GFM2: variants seen among roughly 807,000 people sequenced by gnomAD.
GFM2 encodes ribosome-releasing factor 2, mitochondrial.
In GFM2, 72 loss-of-function variants were observed where a neutral mutation model predicts 95.4. That is an observed-to-expected ratio of 0.76 (90% confidence interval 0.62 to 0.92). GFM2 has a LOEUF of 0.92. Ranked by LOEUF, GFM2 falls within the 40% of genes least tolerant of loss-of-function variation. The probability of loss-of-function intolerance (pLI) is 0.00; values close to 1 mark genes in which losing one functional copy is unlikely to be tolerated. For missense variants in GFM2, 825 were observed against 924.1 expected (o/e 0.89, Z 1.39); for synonymous variants, 276 against 317.5 (o/e 0.87, Z 1.39).
Position 74,750,991 on chromosome 5 carries a change from G to A in GFM2, c.431-324C>T, listed in dbSNP as rs567526476. On this transcript the variant is annotated intron_variant, in intron 6 of 20. Coordinates refer to ENST00000296805, the MANE Select transcript of GFM2 (RefSeq NM_032380.5). ...TGCTACAATATGAGAAAATTTGAGG[G>A]CTTTATGCTAATGAGATAAGCCAAT... is the stretch of plus-strand genomic sequence containing the variant. 4.6e-5 allele frequency among the ~76,000 whole-genome samples: 7 copies of A among 152,162 alleles called. No homozygotes were observed. In the South Asian group the frequency reaches 1.5e-3, roughly 32 times the overall value.
intron 8 of GFM2, among the ~76,000 whole-genome samples, chr5:74,746,974 G>C (rs1304567506): frequency 6.6e-6 from 1 of 152,190 alleles, no homozygotes; most frequent in Non-Finnish European, 1.5e-5. Context: ...TTTTAGGGGA[G>C]GTATAGTTTA....
chr5:74,755,521 A>T (rs778876563), intron 5 of GFM2, among the ~76,000 whole-genome samples: 2 of 152,332 alleles, frequency 1.3e-5, no homozygotes, highest in East Asian at 3.9e-4. Context: ...AAATAAGCTC[A>T]ATTAGAAACA....
chr5:74,721,848 A>ATTATC (rs1489912314), intron 20 of GFM2, 65 bp from the exon 21 acceptor site: 15 of 1,480,506 alleles, frequency 1.0e-5, no homozygotes, highest in Non-Finnish European at 1.3e-5. Context: ...CTTCCTGCTG[A>ATTATC]TTATCTTTTG....
At chr5:74,738,198 T>G (rs1044234160) in intron 14 of GFM2, 120 bp downstream of exon 14, 2 of 721,864 alleles carry the variant, frequency 2.8e-6, no homozygotes, top group African/African-American at 3.6e-5. Context: ...TGCCATAATA[T>G]TCTTTATTCT....
chr5:74,754,235 C>T (rs758725510), intron 5 of GFM2, among the ~76,000 whole-genome samples: 2 of 151,320 alleles, frequency 1.3e-5, no homozygotes, highest in Admixed American at 6.6e-5. Context: ...GAAACAAATC[C>T]TCAAAATACA....
At chr5:74,751,229 G>C (rs1183918286) in intron 6 of GFM2, 139 bp downstream of exon 6, 5 of 755,038 alleles carry the variant, frequency 6.6e-6, no homozygotes, top group African/African-American at 1.8e-5. Context: ...CTACTAAACT[G>C]TACACTTAAA....
intron 16 of GFM2, among the ~76,000 whole-genome samples, chr5:74,732,263 T>A (rs1050582989): frequency 1.3e-5 from 2 of 151,818 alleles, no homozygotes; most frequent in African/African-American, 2.4e-5. Flanking sequence ...ATAGGTTTTT[T>A]AAAATAAAAC....
At chr5:74,737,102 A>G (rs1368296468) in intron 14 of GFM2, 117 bp from the exon 15 acceptor site, 3 of 889,366 alleles carry the variant, frequency 3.4e-6, no homozygotes, top group Non-Finnish European at 5.1e-6. Context: ...TCAGAACTTA[A>G]AAGAGAAATA....
chr5:74,741,805 A>T (rs1743121451), intron 10 of GFM2, 196 bp from the exon 11 acceptor site: 1 of 420,862 alleles, frequency 2.4e-6, no homozygotes, highest in East Asian at 3.9e-5. Flanking sequence ...AAAACTAAAG[A>T]TACTATTAGG....
At chr5:74,745,078 C>G (rs531077158) in intron 10 of GFM2, among the ~76,000 whole-genome samples, 2 of 152,208 alleles carry the variant, frequency 1.3e-5, no homozygotes, top group African/African-American at 4.8e-5. Flanking sequence ...GTGGCTCACG[C>G]TGGTAATCCT....
At chr5:74,748,943 T>G in intron 7 of GFM2, among the ~76,000 whole-genome samples, 1 of 134,766 alleles carries the variant, frequency 7.4e-6, no homozygotes, top group South Asian at 2.2e-4. Flanking sequence ...AAATAAAAAA[T>G]AAAATAAAAT....
Position 74,721,602 on chromosome 5 carries a change from C to CTGAAAATGAAGT in GFM2, c.*41_*52dup. On this transcript the variant is annotated 3_prime_UTR_variant, in exon 21 of 21. Transcript: ENST00000296805. Reference sequence around the variant, plus strand: ...AATAAAGCAATAAAAATTGTTCTTACTGAAAATGAAGTAGCTAGGTGCTCC... The same window carrying CTGAAAATGAAGT: ...AATAAAGCAATAAAAATTGTTCTTACTGAAAATGAAGTTGAAAATGAAGTAGCTAGGTGCTCC... 6.4e-7 allele frequency: 1 copy of CTGAAAATGAAGT among 1,572,290 alleles called. No individual in the cohort carries two copies. The highest frequency in any genetic ancestry group is 1.2e-5 in the South Asian group (1 of 86,400).
rs1561232019 is a variant in GFM2 at position 74,722,580 on chromosome 5, G to A, written c.2029-19C>T. 1 of 1,583,808 alleles carries A rather than the reference G, an allele frequency of 6.3e-7. No individual in the cohort carries two copies. Among genetic ancestry groups the A allele is most frequent in the Admixed American group, 1.9e-5 (1 of 53,498 alleles). On this transcript the variant is annotated intron_variant, in intron 19 of 20. Coordinates refer to ENST00000296805, the MANE Select transcript of GFM2 (RefSeq NM_032380.5). ...TCAGAGCCTAAAGAAATTAAAGAAT[G>A]TTAACTTATCTTTCATAAATAAAAA...
rs777007726 is a variant in GFM2, at chr5:74,733,116, G to C, written c.1511-18C>G. The stretch of plus-strand genomic sequence containing the variant: ...TTCCAAATCTATGGGATAAACAACT[G>C]TTATCTTTACATTTCATTTTTTAAA... On this transcript the variant is annotated intron_variant, in intron 15 of 20. Coordinates refer to ENST00000296805, the MANE Select transcript of GFM2 (RefSeq NM_032380.5). 6.5e-7 allele frequency: 1 copy of C among 1,537,340 alleles called. No individual in the cohort carries two copies. Among genetic ancestry groups the C allele is most frequent in the South Asian group, 1.1e-5 (1 of 89,380 alleles).
chr5:74,761,064 T>C, intron 2 of GFM2, 78 bp from the exon 3 acceptor site: 1 of 801,174 alleles, frequency 1.2e-6, no homozygotes, highest in South Asian at 1.6e-5. Context: ...GTAATTACGC[T>C]TTGTCAGAAG....
At chr5:74,753,102 T>C (rs745345611) in intron 5 of GFM2, among the ~76,000 whole-genome samples, 2 of 152,142 alleles carry the variant, frequency 1.3e-5, no homozygotes, top group Non-Finnish European at 2.9e-5. Context: ...AGGTCAATTA[T>C]TAAGCTACTC....
intron 1 of GFM2, among the ~76,000 whole-genome samples, chr5:74,765,466 G>A (rs1744522767): frequency 6.6e-6 from 1 of 152,272 alleles, no homozygotes; most frequent in African/African-American, 2.4e-5. Context: ...GGAGGAATTG[G>A]GACAGTTAGA....
chr5:74,743,611 A>G (rs963211265), intron 10 of GFM2, among the ~76,000 whole-genome samples: 1 of 152,148 alleles, frequency 6.6e-6, no homozygotes. Flanking sequence ...TGGCTCCTCA[A>G]CTAGATTACA....
At chr5:74,739,269 T>G (rs1287459212) in intron 12 of GFM2, among the ~76,000 whole-genome samples, 1 of 152,164 alleles carries the variant, frequency 6.6e-6, no homozygotes, top group Non-Finnish European at 1.5e-5. Flanking sequence ...TTCCCTCCAA[T>G]TTTTAACTTT....
Sources: allele counts gnomAD v4.1 joint callset (sites outside exome capture counted in the v4.1 genomes callset), GRCh38; gene constraint gnomAD v4.1.1; transcripts MANE v1.5; gene names NCBI Gene and HGNC (gene_info 2026-07-23, HGNC 2026-07-21).